SS18L1: variants seen among roughly 807,000 people sequenced by gnomAD.
SS18L1 encodes the protein calcium-responsive transactivator.
SS18L1 carries 32 observed loss-of-function variants against 70.3 expected under a neutral mutation model. The ratio of observed to expected loss-of-function variants is 0.46; its 90% CI spans 0.34 to 0.61. The LOEUF is 0.61. Ranked by LOEUF, SS18L1 falls within the 20% of genes least tolerant of loss-of-function variation. SS18L1 has a pLI of 0.01. For synonymous variants in SS18L1, 237 were observed against 229.7 expected (o/e 1.03, Z -0.29); for missense variants, 430 against 542.1 (o/e 0.79, Z 2.05).
rs576783081 is a variant in SS18L1 at position 62,175,399 on chromosome 20, G to A, written c.1164+755G>A. The A allele has an allele frequency of 7.1e-6, 7 of 985,424 alleles. No homozygotes were observed. The African/African-American group carries it at 1.2e-4, about 17-fold the overall frequency. 61.0% of individuals were successfully genotyped at this position (985,424 alleles called of 1,614,324 possible). A position where few individuals can be genotyped will look rare whatever the true frequency, so the allele number is the denominator to read the frequency against. Reference sequence around the variant, plus strand: ...TGGAGGAGGACAGGGTCTGTGTGGTGGGAGCACTGCAGGAGCGAGGGCCTC... The same window carrying A: ...TGGAGGAGGACAGGGTCTGTGTGGTAGGAGCACTGCAGGAGCGAGGGCCTC... On this transcript the variant is annotated intron_variant, in intron 10 of 10. Transcript: ENST00000331758.
intron 1 of SS18L1, among the ~76,000 whole-genome samples, chr20:62,146,672 C>T (rs1264283716): frequency 4.6e-5 from 6 of 131,342 alleles, no homozygotes; most frequent in Non-Finnish European, 7.7e-5. Flanking sequence ...TGCAGTGGCG[C>T]GATCTCGGGC....
chr20:62,160,029 T>C (rs1175871572), intron 3 of SS18L1, 68 bp downstream of exon 3: 25 of 1,465,398 alleles, frequency 1.7e-5, no homozygotes, highest in Non-Finnish European at 2.3e-5. Flanking sequence ...AGATCGGAAT[T>C]GTGGGCATGT....
At chr20:62,170,227 T>C (rs944644233) in intron 8 of SS18L1, among the ~76,000 whole-genome samples, 5 of 152,054 alleles carry the variant, frequency 3.3e-5, no homozygotes, top group East Asian at 1.9e-4. Flanking sequence ...AGAAAAGAGC[T>C]GGGCACGGTG....
At chr20:62,172,023 G>A (rs1022834284) in intron 8 of SS18L1, among the ~76,000 whole-genome samples, 2 of 152,072 alleles carry the variant, frequency 1.3e-5, no homozygotes, top group Non-Finnish European at 1.5e-5. Flanking sequence ...TTAGCCTGGC[G>A]TTGTGGCGGG....
At position 62,174,396 on chromosome 20, in the gene SS18L1, T is replaced by A. The variant is rs2057583936; in HGVS notation, c.1037-121T>A. 6.9e-7 allele frequency: 1 copy of A among 1,452,392 alleles called. No homozygotes were observed. The highest frequency in any genetic ancestry group is 9.1e-7 in the Non-Finnish European group (1 of 1,095,502). 90.0% of individuals were successfully genotyped at this position (1,452,392 alleles called of 1,614,324 possible). A position where few individuals can be genotyped will look rare whatever the true frequency, so the allele number is the denominator to read the frequency against. The stretch of plus-strand genomic sequence containing the variant: ...GTTCTGGAGATTGACAAAAGGCTGA[T>A]GCATTGAGACGGGAATTTTTCAAGG... On this transcript the variant is annotated intron_variant, in intron 9 of 10. Coordinates refer to ENST00000331758, the MANE Select transcript of SS18L1 (RefSeq NM_198935.3). This position sits in a 1 kb window ranked among gnomAD's most constrained non-coding sequence, Gnocchi z 4.1.
intron 10 of SS18L1, among the ~76,000 whole-genome samples, chr20:62,177,992 C>T (rs2057648969): frequency 7.1e-6 from 1 of 139,990 alleles, no homozygotes; most frequent in Non-Finnish European, 1.5e-5. Flanking sequence ...TGTAATCCTA[C>T]AGGCATGAGC....
chr20:62,182,205 A>T lies in SS18L1; in HGVS notation c.*2997A>T, dbSNP rs1453162909. ...ATACGCTCATATGGTTGGAGTGTTA[A>T]GTGAACCTCTGATTTTGTCAGGGTT... On this transcript the variant is annotated 3_prime_UTR_variant, in exon 11 of 11. Coordinates refer to ENST00000331758, the MANE Select transcript of SS18L1 (RefSeq NM_198935.3). 4.5e-6 allele frequency: 1 copy of T among 220,562 alleles called. No homozygotes were observed. 13.7% of individuals were successfully genotyped at this position (220,562 alleles called of 1,614,324 possible).
chr20:62,178,514 T>G (rs1034525384), intron 10 of SS18L1, among the ~76,000 whole-genome samples: 1 of 152,066 alleles, frequency 6.6e-6, no homozygotes, highest in Non-Finnish European at 1.5e-5. Context: ...CAGGCTGGTC[T>G]CAAACTCCTG....
At chr20:62,163,373 C>T (rs2057367152) in intron 5 of SS18L1, 85 bp from the exon 6 acceptor site, 8 of 1,580,206 alleles carry the variant, frequency 5.1e-6, no homozygotes, top group Middle Eastern at 2.2e-4. Context: ...ACGAGGAACC[C>T]GCCCGGGCGC....
At chr20:62,148,058 A>G (rs968822017) in intron 1 of SS18L1, among the ~76,000 whole-genome samples, 9 of 152,170 alleles carry the variant, frequency 5.9e-5, no homozygotes, top group African/African-American at 1.7e-4. Flanking sequence ...CCTCCCTTGC[A>G]TGTGGCTGAT....
Position 62,174,628 on chromosome 20 carries a change from C to T in SS18L1, c.1148C>T (p.Pro383Leu). Residue 383 changes from proline (P) to leucine (L), a missense_variant, in exon 10 of 11, where the codon CCC becomes CTC. Physicochemically the swap from Pro to Leu is moderately conservative, Grantham distance 98. Transcript: ENST00000331758. This position sits in a 1 kb window ranked among gnomAD's most constrained non-coding sequence, Gnocchi z 4.1. Reference sequence around the variant, plus strand: ...GCGCCGTCTGCCCAGCAGCAGCGGCCCTACGGCTATGAACAGGCAAGCTTT... The same window carrying T: ...GCGCCGTCTGCCCAGCAGCAGCGGCTCTACGGCTATGAACAGGCAAGCTTT... The part of the protein sequence containing the change: ...QTAPSAQQQR[P>L]YGYEQGQYGN... 1.2e-6 allele frequency: 2 copies of T among 1,613,634 alleles called. No individual in the cohort carries two copies. Among genetic ancestry groups the T allele is most frequent in the Non-Finnish European group, 1.7e-6 (2 of 1,180,020 alleles).
At chr20:62,154,922 C>T (rs1391569053) in intron 1 of SS18L1, among the ~76,000 whole-genome samples, 2 of 152,178 alleles carry the variant, frequency 1.3e-5, no homozygotes, top group Non-Finnish European at 2.9e-5. Context: ...CAGGACTCCT[C>T]CTCAACTTCA....
chr20:62,160,347 T>TGG (rs2057304543), intron 3 of SS18L1, among the ~76,000 whole-genome samples: 1 of 14,006 alleles, frequency 7.1e-5, no homozygotes, highest in Admixed American at 7.9e-4. Flanking sequence ...TGGGGAGAGG[T>TGG]GGAGAGAGGT....
intron 8 of SS18L1, among the ~76,000 whole-genome samples, chr20:62,169,889 C>T (rs898135350): frequency 4.6e-5 from 7 of 152,162 alleles, no homozygotes; most frequent in Admixed American, 1.3e-4. Context: ...GCTGGCGTGT[C>T]GTGTGCATTT....
chr20:62,179,133 C>CT lies in SS18L1; in HGVS notation c.1165-46dup, dbSNP rs144055783. On this transcript the variant is annotated intron_variant, in intron 10 of 10. Coordinates refer to ENST00000331758, the MANE Select transcript of SS18L1 (RefSeq NM_198935.3). ...CGGGCTGGGGTGGACGTCTGTCTTC[C>CT]TTTCACTCATTACTATAGGGGTGTA... is the stretch of plus-strand genomic sequence containing the variant. 4.6e-5 allele frequency: 74 copies of CT among 1,609,968 alleles called. No individual in the cohort carries two copies. In the East Asian group the frequency reaches 1.5e-3, roughly 33 times the overall value.
At position 62,179,383 on chromosome 20, in the gene SS18L1, C is replaced by T. The variant is rs1382073379; in HGVS notation, c.*175C>T. ...TATGACGCCGAGCGCACACCACTGG[C>T]GTGAGACAGCGCTTGGTGGTGTGAT... On this transcript the variant is annotated 3_prime_UTR_variant, in exon 11 of 11. Coordinates refer to ENST00000331758, the MANE Select transcript of SS18L1 (RefSeq NM_198935.3). 8 of 671,616 alleles carry T rather than the reference C, an allele frequency of 1.2e-5. No individual in the cohort carries two copies. The highest frequency in any genetic ancestry group is 3.5e-5 in the South Asian group (2 of 56,624). 41.6% of individuals were successfully genotyped at this position (671,616 alleles called of 1,614,324 possible).
chr20:62,179,266 G>A lies in SS18L1; in HGVS notation c.*58G>A. 6.3e-7 allele frequency: 1 copy of A among 1,597,370 alleles called. No individual in the cohort carries two copies. Among genetic ancestry groups the A allele is most frequent in the Non-Finnish European group, 8.6e-7 (1 of 1,164,984 alleles). ...AGCGTGTTCATCCAGGGGCCGGATG[G>A]GCTGGCGGCAGCTCTGGTGAATTGT... On this transcript the variant is annotated 3_prime_UTR_variant, in exon 11 of 11. Transcript: ENST00000331758.
chr20:62,155,453 C>T (rs527516409), intron 1 of SS18L1, among the ~76,000 whole-genome samples: 82 of 152,304 alleles, frequency 5.4e-4, no homozygotes, highest in African/African-American at 1.7e-3. Context: ...CTTGCATAAC[C>T]TTCATCTTTG....
chr20:62,172,316 G>A (rs1263240633), intron 8 of SS18L1, among the ~76,000 whole-genome samples: 1 of 148,806 alleles, frequency 6.7e-6, no homozygotes, highest in Non-Finnish European at 1.5e-5. Context: ...CCCAGAGCGA[G>A]GCCCTGTCTC....
Sources: allele counts gnomAD v4.1 joint callset (sites outside exome capture counted in the v4.1 genomes callset), GRCh38; gene constraint gnomAD v4.1.1; non-coding constraint Gnocchi (gnomAD v3.1); transcripts MANE v1.5; gene names NCBI Gene and HGNC (gene_info 2026-07-23, HGNC 2026-07-21).